Variants in VRK2 observed in about 807,000 individuals in gnomAD.
VRK2 encodes serine/threonine-protein kinase VRK2.
A neutral mutation model predicts 57.6 loss-of-function variants in VRK2; 60 were observed. That is an observed-to-expected ratio of 1.04 (90% confidence interval 0.85 to 1.29). The LOEUF (loss-of-function observed/expected upper bound fraction) is 1.29, where lower values mean the gene tolerates loss of function less well. Among genes scored for constraint, VRK2 ranks in the 50% most tolerant of loss-of-function variants. The probability of loss-of-function intolerance (pLI) is 0.00; values close to 1 mark genes in which losing one functional copy is unlikely to be tolerated. For synonymous variants in VRK2, 231 were observed against 199.2 expected, an observed-to-expected ratio of 1.16 and a Z score of -1.35; for missense variants, 705 against 588.1, an observed-to-expected ratio of 1.20 and a Z score of -2.06.
chr2:58,003,593 A>G (rs1335154362), intron 1 of VRK2, among the ~76,000 whole-genome samples: 1 of 152,126 alleles, frequency 6.6e-6, no homozygotes, highest in Non-Finnish European at 1.5e-5. Flanking sequence ...CAATATTTTG[A>G]GCATAGTTTG....
intron 8 of VRK2, among the ~76,000 whole-genome samples, chr2:58,128,780 A>C (rs1286083196): frequency 1.3e-5 from 2 of 152,176 alleles, no homozygotes; most frequent in African/African-American, 4.8e-5. Flanking sequence ...TAGGGCTAAT[A>C]CTTACTTTAA....
At chr2:58,046,507 T>C, upstream of VRK2, 1 of 985,492 alleles carries the variant, frequency 1.0e-6, no homozygotes, top group Non-Finnish European at 1.2e-6. Flanking sequence ...CAAATGCATG[T>C]CGTGCTTATT....
At position 58,084,172 on chromosome 2, in the gene VRK2, T is replaced by C. The variant is rs1327684063; in HGVS notation, c.186+34T>C. On this transcript the variant is annotated intron_variant, in intron 3 of 12. Transcript: ENST00000340157. ...TGCTCATAGATTTGTATTTCACATATATTTGACTTTTTCCTTTTCTGCTTT... is the reference window on the plus strand; with the variant it reads ...TGCTCATAGATTTGTATTTCACATACATTTGACTTTTTCCTTTTCTGCTTT... The C allele has an allele frequency of 1.9e-6, 3 of 1,563,058 alleles. No homozygotes were observed. In the East Asian group the frequency reaches 6.9e-5, roughly 36 times the overall value.
At chr2:58,104,062 A>G (rs1674397803) in intron 7 of VRK2, among the ~76,000 whole-genome samples, 2 of 151,750 alleles carry the variant, frequency 1.3e-5, no homozygotes, top group Non-Finnish European at 3.0e-5. Context: ...CAGACGTAGA[A>G]GGAACATACC....
At chr2:58,016,087 G>A (rs1572783434) in intron 1 of VRK2, among the ~76,000 whole-genome samples, 1 of 151,856 alleles carries the variant, frequency 6.6e-6, no homozygotes, top group Non-Finnish European at 1.5e-5. Flanking sequence ...ACACTGCCTG[G>A]ATCTACCACT....
At chr2:58,086,297 CA>C (rs1395324148) in intron 4 of VRK2, 41 bp from the exon 5 acceptor site, 12 of 1,528,200 alleles carry the variant, frequency 7.9e-6, no homozygotes, top group Non-Finnish European at 9.8e-6. Context: ...AGTATCTTTT[CA>C]AATAACATGA....
intron 1 of VRK2, among the ~76,000 whole-genome samples, chr2:57,939,508 T>G (rs2678891): frequency 0.64 from 96,865 of 151,988 alleles, 31,024 homozygotes; most frequent in African/African-American, 0.72. Flanking sequence ...GATTGTTCAT[T>G]TATTCAAATA....
intron 1 of VRK2, among the ~76,000 whole-genome samples, chr2:57,911,973 C>G (rs1669999097): frequency 2.6e-5 from 4 of 152,066 alleles, no homozygotes; most frequent in African/African-American, 9.7e-5. Context: ...CATAATAGGC[C>G]TTTAGTAAAT....
intron 2 of VRK2, among the ~76,000 whole-genome samples, chr2:58,063,151 T>C (rs1677602991): frequency 6.6e-6 from 1 of 152,026 alleles, no homozygotes; most frequent in African/African-American, 2.4e-5. Context: ...ACAGCCCATC[T>C]TTTTACAGCA....
chr2:57,977,898 G>A (rs1327444242), intron 1 of VRK2, among the ~76,000 whole-genome samples: 1 of 151,014 alleles, frequency 6.6e-6, no homozygotes, highest in Non-Finnish European at 1.5e-5. Flanking sequence ...TCCCTTCAAT[G>A]ACTAGTTTGT....
At chr2:58,147,409 A>T (rs753852975) in intron 12 of VRK2, among the ~76,000 whole-genome samples, 50 of 152,060 alleles carry the variant, frequency 3.3e-4, no homozygotes, top group Non-Finnish European at 5.3e-4. Flanking sequence ...TACTTCACTT[A>T]GGCATATTTT....
intron 1 of VRK2, among the ~76,000 whole-genome samples, chr2:57,936,012 G>T (rs370968948): frequency 6.6e-6 from 1 of 152,114 alleles, no homozygotes; most frequent in Non-Finnish European, 1.5e-5. Context: ...TGCATCTGTG[G>T]GGGAGAAGGA....
chr2:58,156,452 ATCTC>A (rs941661497), intron 12 of VRK2, among the ~76,000 whole-genome samples: 4 of 152,068 alleles, frequency 2.6e-5, no homozygotes, highest in Non-Finnish European at 4.4e-5. Context: ...TCATGCCTTA[ATCTC>A]TCTTATTTCT....
chr2:58,084,154 A>C lies in VRK2; in HGVS notation c.186+16A>C, dbSNP rs768999749. On this transcript the variant is annotated intron_variant, in intron 3 of 12. Transcript: ENST00000340157. ...AGTAAAAGTGGTAAGTGTTGCTCAT[A>C]GATTTGTATTTCACATATATTTGAC... 1.3e-6 allele frequency: 2 copies of C among 1,593,392 alleles called. No homozygotes were observed. Among genetic ancestry groups the C allele is most frequent in the East Asian group, 4.5e-5 (2 of 44,394 alleles).
chr2:58,111,787 C>T (rs1284225017), intron 7 of VRK2, among the ~76,000 whole-genome samples: 1 of 149,766 alleles, frequency 6.7e-6, no homozygotes, highest in Non-Finnish European at 1.5e-5. Context: ...TTTGATTTCA[C>T]AGAAAAAAAA....
intron 7 of VRK2, among the ~76,000 whole-genome samples, chr2:58,103,678 A>G (rs891595727): frequency 2.0e-5 from 3 of 151,774 alleles, no homozygotes; most frequent in East Asian, 1.9e-4. Context: ...ACAAAGAAGA[A>G]CTGGTACCAA....
At chr2:57,985,714 G>A (rs1040364715) in intron 1 of VRK2, among the ~76,000 whole-genome samples, 22 of 152,044 alleles carry the variant, frequency 1.4e-4, no homozygotes, top group Non-Finnish European at 2.5e-4. Context: ...CAGTAGGCAA[G>A]AAGGCAACAA....
rs114753715 is a variant in VRK2 at position 57,974,453 on chromosome 2, A to G, written c.-438-51212A>G. 7.9e-3 allele frequency among the ~76,000 whole-genome samples: 1,202 copies of G among 152,016 alleles called. 7 individuals carry two copies. Among genetic ancestry groups the G allele is most frequent in the Non-Finnish European group, 0.013 (877 of 67,878 alleles). ...GTAGTAAGATGTATAGCAAAATCCC[A>G]CTAAATTCAAAAAGGCAGACAGGCC... On this transcript the variant is annotated intron_variant, in intron 1 of 15. Transcript: ENST00000417641.
intron 12 of VRK2, among the ~76,000 whole-genome samples, chr2:58,152,322 A>G (rs980190236): frequency 6.6e-6 from 1 of 151,870 alleles, no homozygotes; most frequent in Non-Finnish European, 1.5e-5. Flanking sequence ...TTAACTGATC[A>G]TATTACATTC....
Sources: gnomAD v4.1 joint callset for allele counts (sites outside exome capture counted in the v4.1 genomes callset) on GRCh38, gnomAD v4.1.1 for gene constraint, MANE v1.5 for transcripts, NCBI Gene and HGNC (gene_info 2026-07-23, HGNC 2026-07-21) for gene names.